The following LYPLAL1 variants were observed in gnomAD, a reference collection of about 807,000 sequenced individuals.
LYPLAL1 encodes lysophospholipase-like protein 1.
In LYPLAL1, 23 loss-of-function variants were observed where a neutral mutation model predicts 19.7. The ratio of observed to expected loss-of-function variants is 1.17; its 90% CI spans 0.84 to 1.65. The LOEUF (loss-of-function observed/expected upper bound fraction) is 1.65. LYPLAL1 is among the 40% of genes most tolerant of loss of function. The pLI, the probability that LYPLAL1 is intolerant of heterozygous loss-of-function variation, is 0.00. For missense variants in LYPLAL1, 355 were observed against 279.4 expected (o/e 1.27, Z -1.93); for synonymous variants, 119 against 96.3 (o/e 1.24, Z -1.38).
chr1:219,226,905 T>G, the LYPLAL1 span, among the ~76,000 whole-genome samples: 1 of 152,242 alleles, frequency 6.6e-6, no homozygotes, highest in Admixed American at 6.5e-5. Flanking sequence ...AAGTATTATG[T>G]ACTTCATTAA....
chr1:219,320,661 G>A, the LYPLAL1 span, among the ~76,000 whole-genome samples: 1 of 151,874 alleles, frequency 6.6e-6, no homozygotes, highest in African/African-American at 2.4e-5. Context: ...TCATTGTTCA[G>A]TTCCCACCTC....
the LYPLAL1 span, among the ~76,000 whole-genome samples, chr1:219,392,369 C>T: frequency 6.6e-6 from 1 of 151,978 alleles, no homozygotes; most frequent in African/African-American, 2.4e-5. Flanking sequence ...AGCCTTCCAT[C>T]CTCCTCATTT....
At chr1:219,175,878 T>A (rs1263455723) in intron 1 of LYPLAL1, among the ~76,000 whole-genome samples, 1 of 152,202 alleles carries the variant, frequency 6.6e-6, no homozygotes, top group Non-Finnish European at 1.5e-5. Context: ...GGCAAACCAA[T>A]TCTGTTTTAT....
At chr1:219,365,453 A>AC in the LYPLAL1 span, among the ~76,000 whole-genome samples, 1 of 152,174 alleles carries the variant, frequency 6.6e-6, no homozygotes, top group African/African-American at 2.4e-5. Flanking sequence ...AACCAAAACA[A>AC]CCCAAAGGAA....
chr1:219,432,518 G>C, the LYPLAL1 span, among the ~76,000 whole-genome samples: 2 of 152,152 alleles, frequency 1.3e-5, no homozygotes, highest in Non-Finnish European at 2.9e-5. Flanking sequence ...CAGGATTTCC[G>C]TGTGCCAGTC....
chr1:219,440,577 G>A, the LYPLAL1 span, among the ~76,000 whole-genome samples: 1 of 152,148 alleles, frequency 6.6e-6, no homozygotes, highest in East Asian at 1.9e-4. Flanking sequence ...TAGATTGAAA[G>A]ACATCAGATA....
At chr1:219,244,925 A>AC in the LYPLAL1 span, among the ~76,000 whole-genome samples, 2 of 150,706 alleles carry the variant, frequency 1.3e-5, no homozygotes, top group African/African-American at 4.9e-5. Context: ...AAAAAAAAAA[A>AC]AACAAAAAAC....
downstream of LYPLAL1, among the ~76,000 whole-genome samples, chr1:219,217,575 A>T (rs1414983579): frequency 1.3e-5 from 2 of 152,154 alleles, no homozygotes; most frequent in Non-Finnish European, 2.9e-5. Flanking sequence ...GGCCCCTTGC[A>T]CAGGGCAATA....
At chr1:219,285,310 T>G in the LYPLAL1 span, among the ~76,000 whole-genome samples, 10 of 152,210 alleles carry the variant, frequency 6.6e-5, no homozygotes, top group Non-Finnish European at 1.5e-5. Context: ...GGAGATGGAC[T>G]GCTGTATAAT....
the LYPLAL1 span, among the ~76,000 whole-genome samples, chr1:219,248,905 C>T: frequency 6.6e-6 from 1 of 152,052 alleles, no homozygotes. Context: ...ACACTGATTT[C>T]TCCTTACACA....
chr1:219,350,513 C>T, the LYPLAL1 span, among the ~76,000 whole-genome samples: 1 of 152,210 alleles, frequency 6.6e-6, no homozygotes, highest in Non-Finnish European at 1.5e-5. Context: ...GCATTCTGCA[C>T]TTTGGTAGAG....
the LYPLAL1 span, among the ~76,000 whole-genome samples, chr1:219,280,800 C>A: frequency 1.3e-5 from 2 of 152,162 alleles, no homozygotes; most frequent in Non-Finnish European, 2.9e-5. Flanking sequence ...GTAATTCCAA[C>A]ACTTTGGGAG....
chr1:219,335,186 A>G, the LYPLAL1 span, among the ~76,000 whole-genome samples: 2 of 151,884 alleles, frequency 1.3e-5, no homozygotes, highest in Non-Finnish European at 2.9e-5. Flanking sequence ...TCTCAGCTCT[A>G]TTTTCAATTA....
chr1:219,215,600 C>G (rs1421288909), downstream of LYPLAL1, among the ~76,000 whole-genome samples: 2 of 152,092 alleles, frequency 1.3e-5, no homozygotes, highest in African/African-American at 4.8e-5. Context: ...CTGTGCAGTT[C>G]ACTTGTCTCT....
At chr1:219,178,001 G>A (rs553843325) in intron 1 of LYPLAL1, among the ~76,000 whole-genome samples, 7 of 152,064 alleles carry the variant, frequency 4.6e-5, no homozygotes, top group Non-Finnish European at 7.4e-5. Flanking sequence ...TCCTCGCCCT[G>A]GGATACTTTT....
At chr1:219,185,453 T>G (rs533607925) in intron 2 of LYPLAL1, among the ~76,000 whole-genome samples, 1 of 152,064 alleles carries the variant, frequency 6.6e-6, no homozygotes, top group Non-Finnish European at 1.5e-5. Context: ...CACTAATCAT[T>G]ACTGTAGCTA....
At chr1:219,267,484 T>C in the LYPLAL1 span, among the ~76,000 whole-genome samples, 4 of 152,246 alleles carry the variant, frequency 2.6e-5, no homozygotes, top group Admixed American at 2.0e-4. Flanking sequence ...AAGATGCAAA[T>C]ATGGACTGGA....
the LYPLAL1 span, among the ~76,000 whole-genome samples, chr1:219,326,893 C>A: frequency 6.6e-6 from 1 of 152,198 alleles, no homozygotes; most frequent in South Asian, 2.1e-4. Flanking sequence ...AGAACCAAAG[C>A]CCAAAGAGAA....
the LYPLAL1 span, chr1:219,223,202 G>T: frequency 6.6e-6 from 1 of 151,862 alleles, no homozygotes; most frequent in Non-Finnish European, 1.5e-5. Flanking sequence ...AAGAGAAGTA[G>T]CAACAAATAG....
Sources: allele counts gnomAD v4.1 joint callset (sites outside exome capture counted in the v4.1 genomes callset), GRCh38; gene constraint gnomAD v4.1.1; transcripts MANE v1.5; gene names NCBI Gene and HGNC (gene_info 2026-07-23, HGNC 2026-07-21).